CCDC171: variants seen among roughly 807,000 people sequenced by gnomAD.
The protein encoded by CCDC171 is coiled-coil domain containing 171.
In CCDC171, 177 loss-of-function variants were observed where a neutral mutation model predicts 168.2. The observed-to-expected ratio is 1.05, with a 90% CI of 0.93 to 1.19. The LOEUF is 1.19. CCDC171 is among the 50% of genes most tolerant of loss of function. The pLI, the probability that CCDC171 is intolerant of heterozygous loss-of-function variation, is 0.00. For missense variants in CCDC171, 1,991 were observed against 1,539.0 expected (o/e 1.29, Z -4.91); for synonymous variants, 687 against 540.8 (o/e 1.27, Z -3.75).
rs540178913 is a variant in CCDC171, at chr9:15,652,122, TA to T, written c.823-5002del. Among the ~76,000 whole-genome samples, 199 of 152,260 alleles carry T rather than the reference TA, an allele frequency of 1.3e-3. 5 individuals are homozygous for T. Among genetic ancestry groups the T allele is most frequent in the Admixed American group, 0.013 (198 of 15,270 alleles). On this transcript the variant is annotated intron_variant, in intron 7 of 25. Coordinates refer to ENST00000380701, the MANE Select transcript of CCDC171 (RefSeq NM_173550.4). Reference sequence around the variant, plus strand: ...AGGTTTGACTATGTTGCCCAGACTATAAAGATTTACCCCTATGTTTTCTTCT... The same window carrying T: ...AGGTTTGACTATGTTGCCCAGACTATAAGATTTACCCCTATGTTTTCTTCT...
intron 1 of CCDC171, among the ~76,000 whole-genome samples, chr9:16,043,405 A>G (rs1002508535): frequency 1.3e-5 from 2 of 152,234 alleles, no homozygotes; most frequent in African/African-American, 4.8e-5. Flanking sequence ...TTGAAAAGTT[A>G]TAGATAAATT....
intron 20 of CCDC171, among the ~76,000 whole-genome samples, chr9:15,782,553 T>C (rs2057721985): frequency 1.3e-5 from 2 of 152,040 alleles, no homozygotes; most frequent in South Asian, 4.1e-4. Flanking sequence ...TCCTGCAAAA[T>C]GGTGGGGATG....
chr9:15,927,819 T>C (rs1461626614), intron 25 of CCDC171, among the ~76,000 whole-genome samples: 1 of 151,748 alleles, frequency 6.6e-6, no homozygotes, highest in Non-Finnish European at 1.5e-5. Flanking sequence ...GGATCATTTG[T>C]TAATTTTAGT....
chr9:16,007,990 T>C (rs564101850), intron 3 of CCDC171, among the ~76,000 whole-genome samples: 1 of 152,324 alleles, frequency 6.6e-6, no homozygotes, highest in South Asian at 2.1e-4. Flanking sequence ...AAGACCCTTA[T>C]ATATATGATT....
intron 3 of CCDC171, among the ~76,000 whole-genome samples, chr9:15,984,561 G>A (rs554406289): frequency 5.9e-5 from 9 of 152,218 alleles, no homozygotes; most frequent in Middle Eastern, 3.4e-3. Flanking sequence ...GAGAGCTAGA[G>A]TAAGATTTCT....
intron 25 of CCDC171, among the ~76,000 whole-genome samples, chr9:15,932,149 T>C (rs1826604685): frequency 6.6e-6 from 1 of 151,930 alleles, no homozygotes. Context: ...CTGTGAAGAA[T>C]GTCATTGGTC....
chr9:16,039,556 C>G (rs757752644), upstream of CCDC171, among the ~76,000 whole-genome samples: 2 of 152,182 alleles, frequency 1.3e-5, no homozygotes, highest in African/African-American at 4.8e-5. Context: ...CCCTGCAGGT[C>G]GGTAGCCCCA....
chr9:15,847,547 C>G (rs554484546), intron 22 of CCDC171, among the ~76,000 whole-genome samples: 14 of 152,090 alleles, frequency 9.2e-5, no homozygotes, highest in African/African-American at 3.4e-4. Context: ...TCATGGAATA[C>G]TTTAAAGACA....
At chr9:15,587,150 A>T (rs2041630094) in intron 4 of CCDC171, among the ~76,000 whole-genome samples, 1 of 152,026 alleles carries the variant, frequency 6.6e-6, no homozygotes, top group South Asian at 2.1e-4. Flanking sequence ...CCAAAAGCTA[A>T]CACCTGGATT....
chr9:15,700,517 T>C (rs2051640058), intron 11 of CCDC171, among the ~76,000 whole-genome samples: 1 of 152,250 alleles, frequency 6.6e-6, no homozygotes, highest in South Asian at 2.1e-4. Context: ...GAAGGGCTCC[T>C]TAAGTGCCGC....
At chr9:15,630,506 G>A (rs2045586708) in intron 7 of CCDC171, among the ~76,000 whole-genome samples, 1 of 152,104 alleles carries the variant, frequency 6.6e-6, no homozygotes, top group Admixed American at 6.5e-5. Context: ...CCCAATACAG[G>A]AGCACGAAGA....
chr9:16,025,460 AAAAC>A (rs563985359), intron 6 of CCDC171, among the ~76,000 whole-genome samples: 26 of 152,256 alleles, frequency 1.7e-4, no homozygotes, highest in African/African-American at 4.8e-4. Context: ...CTTCCTCTCA[AAAAC>A]AAACAAACAA....
At chr9:15,923,657 T>C (rs569402468) in intron 25 of CCDC171, among the ~76,000 whole-genome samples, 18 of 151,558 alleles carry the variant, frequency 1.2e-4, no homozygotes, top group African/African-American at 3.1e-4. Context: ...GTTCCTACCA[T>C]AAAAACGATA....
chr9:16,015,089 A>G (rs1346637684), intron 3 of CCDC171, among the ~76,000 whole-genome samples: 2 of 152,168 alleles, frequency 1.3e-5, no homozygotes, highest in Admixed American at 1.3e-4. Flanking sequence ...CATGTTGTGC[A>G]CATGTACCCT....
At chr9:15,939,863 AGTAT>A (rs1286483741) in intron 25 of CCDC171, among the ~76,000 whole-genome samples, 13 of 151,964 alleles carry the variant, frequency 8.6e-5, no homozygotes, top group Admixed American at 7.9e-4. Context: ...AAAGTAGTTA[AGTAT>A]GTCATAAAGT....
intron 1 of CCDC171, among the ~76,000 whole-genome samples, chr9:15,558,786 G>A (rs555048918): frequency 6.6e-6 from 1 of 152,164 alleles, no homozygotes; most frequent in East Asian, 1.9e-4. Flanking sequence ...TTTTGAATGT[G>A]TTTGCTGTTG....
At chr9:15,674,758 C>T (rs1439866627) in intron 9 of CCDC171, among the ~76,000 whole-genome samples, 3 of 152,128 alleles carry the variant, frequency 2.0e-5, no homozygotes, top group Non-Finnish European at 4.4e-5. Context: ...TTTACATTTG[C>T]TGAGGAGTGT....
At chr9:15,620,328 T>C (rs1156685035) in intron 6 of CCDC171, among the ~76,000 whole-genome samples, 2 of 152,118 alleles carry the variant, frequency 1.3e-5, no homozygotes, top group Non-Finnish European at 2.9e-5. Context: ...TTGTGATTCA[T>C]GTGAGGAGGT....
intron 3 of CCDC171, among the ~76,000 whole-genome samples, chr9:16,000,291 A>G (rs1832502173): frequency 6.6e-6 from 1 of 152,138 alleles, no homozygotes; most frequent in African/African-American, 2.4e-5. Context: ...ATTATTCTCT[A>G]TAGAATAAGT....
Sources: allele counts gnomAD v4.1 joint callset (sites outside exome capture counted in the v4.1 genomes callset), GRCh38; gene constraint gnomAD v4.1.1; transcripts MANE v1.5; gene names NCBI Gene and HGNC (gene_info 2026-07-23, HGNC 2026-07-21).